The following SLC39A11 variants were observed in gnomAD, a reference collection of about 807,000 sequenced individuals.
SLC39A11 encodes the protein zinc transporter ZIP11.
In SLC39A11, 33 loss-of-function variants were observed where a neutral mutation model predicts 36.1. The ratio of observed to expected loss-of-function variants is 0.91; its 90% confidence interval spans 0.69 to 1.22. The LOEUF is 1.22. Among genes scored for constraint, SLC39A11 ranks in the 50% most tolerant of loss-of-function variants. The pLI is 0.00. For missense variants in SLC39A11, 432 were observed against 430.3 expected (o/e 1.00, Z -0.03); for synonymous variants, 166 against 170.3 (o/e 0.97, Z 0.20).
chr17:72,770,194 T>A (rs910325073), intron 6 of SLC39A11, among the ~76,000 whole-genome samples: 2 of 152,356 alleles, frequency 1.3e-5, no homozygotes, highest in Middle Eastern at 3.4e-3. Flanking sequence ...GAGGACATTA[T>A]GCTAAGTGAA....
chr17:72,683,869 TC>T (rs1489615339), intron 7 of SLC39A11, among the ~76,000 whole-genome samples: 1 of 151,826 alleles, frequency 6.6e-6, no homozygotes, highest in Non-Finnish European at 1.5e-5. Flanking sequence ...GCCCCTGGGT[TC>T]CTTTGGCAGT....
At chr17:72,939,763 T>C (rs1189584684) in intron 5 of SLC39A11, among the ~76,000 whole-genome samples, 1 of 152,208 alleles carries the variant, frequency 6.6e-6, no homozygotes, top group African/African-American at 2.4e-5. Context: ...GATCTCAGAC[T>C]TCCGGCCTCC....
intron 5 of SLC39A11, among the ~76,000 whole-genome samples, chr17:72,885,788 T>C (rs1376751964): frequency 6.6e-6 from 1 of 152,192 alleles, no homozygotes; most frequent in Non-Finnish European, 1.5e-5. Context: ...AGCCACCCTC[T>C]AGCAAATACC....
intron 6 of SLC39A11, among the ~76,000 whole-genome samples, chr17:72,835,057 T>G (rs985927240): frequency 1.3e-5 from 2 of 152,248 alleles, no homozygotes; most frequent in Non-Finnish European, 2.9e-5. Flanking sequence ...GTGCCAACTC[T>G]CATGCTCAAA....
At position 72,646,705 on chromosome 17, in the gene SLC39A11, G is replaced by A. The variant is rs1169244517; in HGVS notation, c.*879C>T. On this transcript the variant is annotated 3_prime_UTR_variant, in exon 10 of 10. Transcript: ENST00000255559. ...GGCTCCTTCTTTGAGTAATTGAAGA[G>A]TTTGAGTTCTAGCAGTTTGCTGGTG... 1.3e-5 allele frequency: 2 copies of A among 152,626 alleles called. No individual in the cohort carries two copies. Among genetic ancestry groups the A allele is most frequent in the Admixed American group, 6.5e-5 (1 of 15,278 alleles). 9.5% of individuals were successfully genotyped at this position (152,626 alleles called of 1,614,324 possible). A position where few individuals can be genotyped will look rare whatever the true frequency, so the allele number is the denominator to read the frequency against.
At chr17:72,924,260 C>T (rs2083897540) in intron 5 of SLC39A11, among the ~76,000 whole-genome samples, 2 of 150,902 alleles carry the variant, frequency 1.3e-5, no homozygotes, top group Admixed American at 1.3e-4. Flanking sequence ...TTAAGACACC[C>T]CCACCTCGCC....
At chr17:72,977,132 A>C (rs2087911631) in intron 4 of SLC39A11, among the ~76,000 whole-genome samples, 1 of 152,174 alleles carries the variant, frequency 6.6e-6, no homozygotes, top group Non-Finnish European at 1.5e-5. Flanking sequence ...GAAGGCAGAA[A>C]GGGAAGTCAG....
intron 3 of SLC39A11, among the ~76,000 whole-genome samples, chr17:73,074,019 G>C (rs1229441685): frequency 6.6e-6 from 1 of 150,418 alleles, no homozygotes; most frequent in Non-Finnish European, 1.5e-5. Context: ...AACATATCAG[G>C]CTTCCCTACC....
chr17:72,708,208 T>C (rs2072971652), intron 7 of SLC39A11, among the ~76,000 whole-genome samples: 1 of 152,212 alleles, frequency 6.6e-6, no homozygotes. Context: ...TGGGTGTTTT[T>C]GTGAGGGCTT....
intron 4 of SLC39A11, among the ~76,000 whole-genome samples, chr17:72,949,745 C>G (rs1410229679): frequency 6.6e-6 from 1 of 151,884 alleles, no homozygotes; most frequent in African/African-American, 2.4e-5. Flanking sequence ...GGGATGCAAA[C>G]ATTTTCAGGC....
At chr17:72,966,097 G>C (rs937906000) in intron 4 of SLC39A11, among the ~76,000 whole-genome samples, 2 of 152,208 alleles carry the variant, frequency 1.3e-5, no homozygotes, top group Non-Finnish European at 2.9e-5. Flanking sequence ...GCTGAACCAG[G>C]GTGACAGGCC....
At chr17:72,727,419 C>T (rs754327713) in intron 7 of SLC39A11, among the ~76,000 whole-genome samples, 2 of 151,736 alleles carry the variant, frequency 1.3e-5, no homozygotes, top group Non-Finnish European at 2.9e-5. Flanking sequence ...TTTGGGAGGC[C>T]GAGGCGGGTG....
chr17:72,651,781 G>C (rs1415970139), intron 7 of SLC39A11, among the ~76,000 whole-genome samples: 1 of 152,190 alleles, frequency 6.6e-6, no homozygotes, highest in Non-Finnish European at 1.5e-5. Flanking sequence ...GAAGCATTGA[G>C]CCTGTCTCTC....
intron 5 of SLC39A11, among the ~76,000 whole-genome samples, chr17:72,863,967 T>C (rs2080176234): frequency 6.6e-6 from 1 of 152,058 alleles, no homozygotes; most frequent in African/African-American, 2.4e-5. Context: ...CCATAAAACA[T>C]CTCTAAAGTT....
At chr17:72,791,827 T>C (rs1052560969) in intron 6 of SLC39A11, among the ~76,000 whole-genome samples, 1 of 152,334 alleles carries the variant, frequency 6.6e-6, no homozygotes, top group South Asian at 2.1e-4. Context: ...CCTGCTGCCA[T>C]GCGAAGAAGG....
intron 7 of SLC39A11, among the ~76,000 whole-genome samples, chr17:72,709,632 A>G (rs1042678709): frequency 6.6e-6 from 1 of 152,238 alleles, no homozygotes; most frequent in Admixed American, 6.5e-5. Context: ...GTGTGTGTGC[A>G]CGTAAGTGTA....
At chr17:73,079,711 GT>G (rs1169300111) in intron 3 of SLC39A11, among the ~76,000 whole-genome samples, 3 of 152,146 alleles carry the variant, frequency 2.0e-5, no homozygotes, top group African/African-American at 7.2e-5. Flanking sequence ...AAACATCGCT[GT>G]TTGCCGACGA....
At chr17:72,759,505 A>G (rs1287267371) in intron 6 of SLC39A11, among the ~76,000 whole-genome samples, 1 of 152,228 alleles carries the variant, frequency 6.6e-6, no homozygotes, top group African/African-American at 2.4e-5. Context: ...CATGTGAAAA[A>G]GCTTTTTAAA....
At chr17:72,688,027 G>A (rs577485792) in intron 7 of SLC39A11, among the ~76,000 whole-genome samples, 4 of 152,268 alleles carry the variant, frequency 2.6e-5, no homozygotes, top group South Asian at 4.1e-4. Context: ...GACCCAAGCC[G>A]GGGACAAACA....
Sources: allele counts gnomAD v4.1 joint callset (sites outside exome capture counted in the v4.1 genomes callset), GRCh38; gene constraint gnomAD v4.1.1; transcripts MANE v1.5; gene names NCBI Gene and HGNC (gene_info 2026-07-23, HGNC 2026-07-21).